Variants in PSMC2 observed in about 807,000 individuals in gnomAD.
The protein encoded by PSMC2 is proteasome 26S subunit, ATPase 2.
Under a neutral mutation model 53.3 loss-of-function variants are expected in PSMC2, and 7 were observed. That is an observed-to-expected ratio of 0.13 (90% CI 0.07 to 0.25). The LOEUF (loss-of-function observed/expected upper bound fraction) is 0.25, where lower values mean the gene tolerates loss of function less well. Among genes scored for constraint, PSMC2 ranks in the 10% least tolerant of loss-of-function variants. PSMC2 has a pLI of 1.00. For missense variants in PSMC2, 241 were observed against 544.0 expected (o/e 0.44, Z 5.54); for synonymous variants, 169 against 183.9 (o/e 0.92, Z 0.66).
At chr7:103,362,794 CTTTTTTTT>C in intron 6 of PSMC2, 36 bp downstream of exon 6, 3 of 839,758 alleles carry the variant, frequency 3.6e-6, no homozygotes, top group Non-Finnish European at 3.5e-6. Context: ...AAGGCTATGT[CTTTTTTTT>C]TTTTTTTTTT....
rs113265696 is a variant in PSMC2 at position 103,367,611 on chromosome 7, T to C, written c.1043T>C (p.Leu348Pro). ...AAAATTGAATTTAGCTTGCCCGATC[T>C]AGAGGTAAGAAAACCATTTCATTTT... The part of the protein sequence containing the change: ...DRKIEFSLPD[L>P]EGRTHIFKIH... The change falls in exon 10 of 12, where the codon CTA becomes CCA. Residue 348 changes from leucine (L) to proline (P), a missense_variant. Transcript: ENST00000292644. The surrounding 1 kb of genome is among the most constrained non-coding windows in gnomAD (Gnocchi z 6.1). 6.2e-7 allele frequency: 1 copy of C among 1,613,976 alleles called. No homozygotes were observed. The highest frequency in any genetic ancestry group is 1.3e-5 in the African/African-American group (1 of 75,062).
Position 103,367,723 on chromosome 7 carries a change from A to G in PSMC2, c.1058A>G (p.His353Arg). Residue 353 changes from histidine to arginine, a missense_variant, in exon 11 of 12, where the codon CAC becomes CGC. His to Arg is a conservative substitution (Grantham distance 29, BLOSUM62 0). Around this residue, in one of 6 missense-constraint regions of PSMC2, gnomAD observed 60 missense variants for 115.8 expected, o/e 0.52. Transcript: ENST00000292644. This position sits in a 1 kb window ranked among gnomAD's most constrained non-coding sequence, Gnocchi z 6.1. ...FSLPDLEGRT[H>R]IFKIHARSMS... ...TTTTCTCATTTTTAGGGTCGGACCC[A>G]CATATTTAAGATTCACGCTCGTTCA... 13 of 1,613,472 alleles carry G rather than the reference A, an allele frequency of 8.1e-6. No individual in the cohort carries two copies. The highest frequency in any genetic ancestry group is 1.0e-5 in the Non-Finnish European group (12 of 1,179,798).
At chr7:103,348,236 T>A (rs570195672) in intron 1 of PSMC2, among the ~76,000 whole-genome samples, 20 of 152,340 alleles carry the variant, frequency 1.3e-4, no homozygotes, top group Non-Finnish European at 2.9e-5. Context: ...GCAGAAAAGA[T>A]ATCTTTGAAA....
intron 1 of PSMC2, among the ~76,000 whole-genome samples, chr7:103,348,440 A>T (rs1356641653): frequency 6.6e-6 from 1 of 152,192 alleles, no homozygotes; most frequent in East Asian, 1.9e-4. Context: ...TATATTAGAG[A>T]TACTTTCCTA....
chr7:103,350,120 T>A (rs1298853663), intron 1 of PSMC2, among the ~76,000 whole-genome samples: 1 of 152,240 alleles, frequency 6.6e-6, no homozygotes, highest in African/African-American at 2.4e-5. Flanking sequence ...TGTTGTCCTA[T>A]GGAATTTTTC....
intron 2 of PSMC2, among the ~76,000 whole-genome samples, chr7:103,354,648 G>C (rs1353791234): frequency 1.3e-5 from 2 of 152,082 alleles, no homozygotes; most frequent in Non-Finnish European, 2.9e-5. Flanking sequence ...GGGATTATAG[G>C]CATGAGCCAC....
chr7:103,350,222 C>T (rs1470770116), intron 1 of PSMC2, among the ~76,000 whole-genome samples: 1 of 151,942 alleles, frequency 6.6e-6, no homozygotes, highest in Admixed American at 6.6e-5. Flanking sequence ...AAGTCATTTT[C>T]TTTTTTTTCT....
At chr7:103,352,215 TAAA>T (rs769618353) in intron 1 of PSMC2, among the ~76,000 whole-genome samples, 466 of 40,588 alleles carry the variant, frequency 0.011, 5 homozygotes, top group African/African-American at 0.038. Context: ...CATACTTAGT[TAAA>T]AAAAAAAAAA....
rs1820797278 is a variant in PSMC2, at chr7:103,367,860, T to C, written c.1145-37T>C. On this transcript the variant is annotated intron_variant, in intron 11 of 11. Coordinates refer to ENST00000292644, the MANE Select transcript of PSMC2 (RefSeq NM_002803.4). The surrounding 1 kb of genome is among the most constrained non-coding windows in gnomAD (Gnocchi z 6.1). Reference sequence around the variant, plus strand: ...TTGCTGGTCTGTCTGCTCAGGCTGCTTTAATTAAGCCCGTTTATTTTCTTT... The same window carrying C: ...TTGCTGGTCTGTCTGCTCAGGCTGCCTTAATTAAGCCCGTTTATTTTCTTT... The C allele has an allele frequency of 1.2e-6, 2 of 1,612,420 alleles. No individual in the cohort carries two copies. Among genetic ancestry groups the C allele is most frequent in the Non-Finnish European group, 1.7e-6 (2 of 1,179,422 alleles).
In PSMC2 at chr7:103,369,366, G is replaced by T. The variant is rs1437509001; in HGVS notation, c.*1312G>T. On this transcript the variant is annotated 3_prime_UTR_variant, in exon 12 of 12. Coordinates refer to ENST00000292644, the MANE Select transcript of PSMC2 (RefSeq NM_002803.4). ...GAAGATGTATGTTTTTGAATGTTTT[G>T]ATTAAATAAATGTACACATTTAGAA... 1 of 152,120 alleles carries T rather than the reference G, an allele frequency of 6.6e-6. No homozygotes were observed. The highest frequency in any genetic ancestry group is 2.4e-5 in the African/African-American group (1 of 41,422). 9.4% of individuals were successfully genotyped at this position (152,120 alleles called of 1,614,324 possible). A position where few individuals can be genotyped will look rare whatever the true frequency, so the allele number is the denominator to read the frequency against.
chr7:103,352,640 A>G (rs1488625552), intron 1 of PSMC2: 3 of 500,524 alleles, frequency 6.0e-6, no homozygotes, highest in Non-Finnish European at 1.1e-5. Flanking sequence ...CCTGGACTCA[A>G]GCAATCCGCC....
intron 4 of PSMC2, among the ~76,000 whole-genome samples, chr7:103,357,605 C>T (rs1820111606): frequency 1.3e-5 from 2 of 152,150 alleles, no homozygotes; most frequent in Admixed American, 1.3e-4. Context: ...TTCCTATCCC[C>T]TCATCCTTCC....
At chr7:103,360,849 C>G (rs554158541) in intron 4 of PSMC2, among the ~76,000 whole-genome samples, 2 of 152,174 alleles carry the variant, frequency 1.3e-5, no homozygotes, top group African/African-American at 4.8e-5. Flanking sequence ...CAATGGCTCA[C>G]GCCTGTAATC....
chr7:103,361,037 C>T (rs1820359159), intron 4 of PSMC2, among the ~76,000 whole-genome samples: 1 of 151,732 alleles, frequency 6.6e-6, no homozygotes, highest in Non-Finnish European at 1.5e-5. Context: ...CTGCTTGAAC[C>T]CAGGAGGCGG....
upstream of PSMC2, chr7:103,347,624 C>T (rs1586128553): frequency 1.6e-5 from 24 of 1,503,978 alleles, no homozygotes; most frequent in East Asian, 4.5e-4. Context: ...AATTTACTTC[C>T]GGTGGGGAAG....
chr7:103,364,996 G>A (rs1820634156), intron 8 of PSMC2, among the ~76,000 whole-genome samples: 1 of 110,270 alleles, frequency 9.1e-6, no homozygotes, highest in African/African-American at 3.5e-5. Flanking sequence ...TAGAGAATAA[G>A]TCTAGGGCTA....
chr7:103,362,921 G>T (rs541239073), intron 6 of PSMC2, among the ~76,000 whole-genome samples, 163 bp downstream of exon 6: 1 of 151,356 alleles, frequency 6.6e-6, no homozygotes, highest in Admixed American at 6.6e-5. Context: ...AGCCTCCCGA[G>T]TAGCTGGGAT....
intron 9 of PSMC2, among the ~76,000 whole-genome samples, chr7:103,366,772 T>C (rs1820739456): frequency 6.6e-6 from 1 of 152,216 alleles, no homozygotes; most frequent in Non-Finnish European, 1.5e-5. Flanking sequence ...GCTTCACAGA[T>C]TTGATGAAAT....
intron 1 of PSMC2, chr7:103,348,797 A>G (rs890104591): frequency 1.2e-6 from 1 of 817,746 alleles, no homozygotes; most frequent in Non-Finnish European, 2.1e-6. Flanking sequence ...AGGATTATCC[A>G]AGGCATCTAC....
Sources: gnomAD v4.1 joint callset for allele counts (sites outside exome capture counted in the v4.1 genomes callset) on GRCh38, gnomAD v4.1.1 for gene constraint, gnomAD v4.1.1 regional missense constraint, Gnocchi (gnomAD v3.1) non-coding constraint, MANE v1.5 for transcripts, NCBI Gene and HGNC (gene_info 2026-07-23, HGNC 2026-07-21) for gene names.